The following PHKG2 variants were observed in gnomAD, a reference collection of about 807,000 sequenced individuals.
The protein encoded by PHKG2 is phosphorylase kinase catalytic subunit gamma 2, also known as phosphorylase b kinase gamma catalytic chain, liver/testis isoform.
PHKG2 carries 28 observed loss-of-function variants against 44.5 expected under a neutral mutation model. That is an observed-to-expected ratio of 0.63 (90% CI 0.47 to 0.86). PHKG2 has a LOEUF of 0.86. PHKG2 is among the 40% of genes least tolerant of loss of function. The pLI is 0.00. For missense variants in PHKG2, 498 were observed against 547.5 expected (o/e 0.91, Z 0.90); for synonymous variants, 220 against 211.2 (o/e 1.04, Z -0.36).
chr16:30,755,051 G>A (rs1365515602), intron 6 of PHKG2: 1 of 387,496 alleles, frequency 2.6e-6, no homozygotes, highest in East Asian at 7.4e-5. Flanking sequence ...AGTACTGGAA[G>A]AATTGGTGCC....
intron 4 of PHKG2, chr16:30,752,989 A>G (rs1464284413): frequency 3.5e-6 from 2 of 573,314 alleles, no homozygotes; most frequent in African/African-American, 1.9e-5. Context: ...TATAAATTAT[A>G]TTGTCACAAG....
intron 4 of PHKG2, 173 bp downstream of exon 4, chr16:30,751,776 G>T: frequency 1.3e-6 from 1 of 748,452 alleles, no homozygotes; most frequent in Admixed American, 1.8e-5. Flanking sequence ...CTCCCTTGGT[G>T]CCATGATTGA....
rs1327463566 is a variant in PHKG2, at chr16:30,757,620, G to A, written c.*523G>A. The A allele has an allele frequency of 6.2e-7, 1 of 1,613,908 alleles. No homozygotes were observed. The highest frequency in any genetic ancestry group is 1.3e-5 in the African/African-American group (1 of 74,936). On this transcript the variant is annotated 3_prime_UTR_variant, in exon 10 of 10. Transcript: ENST00000563588. ...GCTGCTCCAGCTCTTTGTTCACTTG[G>A]GTCTTGATGTAGGCTCGGAGGACGT...
rs774622300 is a variant in PHKG2, at chr16:30,759,812, T to A, written c.*2715T>A. 3 of 1,515,926 alleles carry A rather than the reference T, an allele frequency of 2.0e-6. No individual in the cohort carries two copies. The African/African-American group carries it at 4.2e-5, about 21-fold the overall frequency. The allele number at this position is 1,515,926 out of a possible 1,614,324, so 93.9% of individuals were successfully genotyped here. A position where few individuals can be genotyped will look rare whatever the true frequency, so the allele number is the denominator to read the frequency against. On this transcript the variant is annotated 3_prime_UTR_variant, in exon 10 of 10. Coordinates refer to ENST00000563588, the MANE Select transcript of PHKG2 (RefSeq NM_000294.3). ...CAACAGCTGTTTATGACCATGAGCT[T>A]CAGAAGCAGACAGATCTGGGTTTCA...
Position 30,756,637 on chromosome 16 carries a change from G to A in PHKG2, c.849G>A (p.Glu283=). ...QVDPEARLTA[E]QALQHPFFER... Reference sequence around the variant, plus strand: ...ATCCTGAGGCACGCCTGACAGCTGAGCAGGCCCTACAGCACCCCTTCTTTG... The same window carrying A: ...ATCCTGAGGCACGCCTGACAGCTGAACAGGCCCTACAGCACCCCTTCTTTG... The change falls in exon 9 of 10, where the codon GAG becomes GAA. Residue 283 remains glutamate, a synonymous_variant. Coordinates refer to ENST00000563588, the MANE Select transcript of PHKG2 (RefSeq NM_000294.3). 6.2e-7 allele frequency: 1 copy of A among 1,614,046 alleles called. No individual in the cohort carries two copies. The highest frequency in any genetic ancestry group is 2.2e-5 in the East Asian group (1 of 44,868).
At chr16:30,749,048 G>A (rs1307055033) in intron 2 of PHKG2, 133 bp downstream of exon 2, 1 of 360,104 alleles carries the variant, frequency 2.8e-6, no homozygotes, top group African/African-American at 5.0e-5. Flanking sequence ...TGGTGGTGGT[G>A]GTGGTGGTGG....
Position 30,758,735 on chromosome 16 carries a change from A to C in PHKG2, c.*1638A>C. The C allele has an allele frequency of 2.2e-6, 1 of 449,396 alleles. No homozygotes were observed. The highest frequency in any genetic ancestry group is 6.5e-4 in the Middle Eastern group (1 of 1,532). The allele number at this position is 449,396 out of a possible 1,614,324, so 27.8% of individuals were successfully genotyped here. A position where few individuals can be genotyped will look rare whatever the true frequency, so the allele number is the denominator to read the frequency against. The stretch of plus-strand genomic sequence containing the variant: ...CATGCCTGGCTATTTTTTGTATTTT[A>C]GTAGATAGGGGGTTTCACGGTGTTG... On this transcript the variant is annotated 3_prime_UTR_variant, in exon 10 of 10. Transcript: ENST00000563588.
At position 30,760,108 on chromosome 16, in the gene PHKG2, T is replaced by G. The variant is rs185728673; in HGVS notation, c.*3011T>G. ...GTCCTGTAAAATGTGTGCTGTATCC[T>G]TAATTTCTAGATAAGGAAGCAGTGG... On this transcript the variant is annotated 3_prime_UTR_variant, in exon 10 of 10. Transcript: ENST00000563588. 14 of 1,541,564 alleles carry G rather than the reference T, an allele frequency of 9.1e-6. No homozygotes were observed. The African/African-American group carries it at 1.8e-4, about 20-fold the overall frequency.
chr16:30,749,057 G>GCT (rs1230560412), intron 2 of PHKG2, 142 bp downstream of exon 2: 11 of 459,276 alleles, frequency 2.4e-5, no homozygotes, highest in Middle Eastern at 5.3e-4. Context: ...TGGTGGTGGT[G>GCT]GTGGTGGTGG....
Position 30,758,644 on chromosome 16 carries a change from C to T in PHKG2, c.*1547C>T. 3.5e-6 allele frequency: 1 copy of T among 285,796 alleles called. No homozygotes were observed. 17.7% of individuals were successfully genotyped at this position (285,796 alleles called of 1,614,324 possible). On this transcript the variant is annotated 3_prime_UTR_variant, in exon 10 of 10. Coordinates refer to ENST00000563588, the MANE Select transcript of PHKG2 (RefSeq NM_000294.3). ...GATCTTGGCTCACTGCAGTCTCCACCTCCTGGGTTCATGCAGTTCTCCTGC... is the reference window on the plus strand; with the variant it reads ...GATCTTGGCTCACTGCAGTCTCCACTTCCTGGGTTCATGCAGTTCTCCTGC...
At chr16:30,751,517 C>A in intron 3 of PHKG2, 32 bp from the exon 4 acceptor site, 1 of 1,593,054 alleles carries the variant, frequency 6.3e-7, no homozygotes. Flanking sequence ...CTTTCCATCT[C>A]TGTCTCTCTG....
In PHKG2 at chr16:30,749,140, T is replaced by TGGTGGTGCC. The variant is rs1384728812; in HGVS notation, c.95+229_95+230insGTGCCGGTG. Among the ~76,000 whole-genome samples the TGGTGGTGCC allele has an allele frequency of 4.3e-5, 5 of 117,052 alleles. 1 individual carries two copies. Among genetic ancestry groups the TGGTGGTGCC allele is most frequent in the Non-Finnish European group, 9.2e-5 (5 of 54,368 alleles). 76.8% of individuals were successfully genotyped at this position (117,052 alleles called of 152,430 possible). A position where few individuals can be genotyped will look rare whatever the true frequency, so the allele number is the denominator to read the frequency against. ...GTGCTGGTGCTGGTGGTGGTGGTGCTGGTGCTGGTGGTGGTGCTGGTGGTG... is the reference window on the plus strand; with the variant it reads ...GTGCTGGTGCTGGTGGTGGTGGTGCTGGTGGTGCCGGTGCTGGTGGTGGTGCTGGTGGTG... On this transcript the variant is annotated intron_variant, in intron 2 of 9. Coordinates refer to ENST00000563588, the MANE Select transcript of PHKG2 (RefSeq NM_000294.3).
chr16:30,751,564 C>G lies in PHKG2; in HGVS notation c.287C>G (p.Ser96Cys), dbSNP rs1362112001. The G allele has an allele frequency of 4.3e-6, 7 of 1,613,772 alleles. No individual in the cohort carries two copies. The highest frequency in any genetic ancestry group is 1.7e-5 in the Admixed American group (1 of 60,030). ...GHPHIITLID[S>C]YESSSFMFLV... is the part of the protein sequence containing the mutation. ...CTCTCCCTAGTCACCCTCATCGATT[C>G]CTACGAGTCTTCTAGCTTCATGTTC... Residue 96 changes from serine (S) to cysteine (C), a missense_variant, in exon 4 of 10, where the codon TCC (serine) becomes TGC (cysteine). Ser to Cys is a moderately radical substitution (Grantham distance 112). Transcript: ENST00000563588.
At chr16:30,748,606 C>A in intron 1 of PHKG2, 116 bp downstream of exon 1, 1 of 587,994 alleles carries the variant, frequency 1.7e-6, no homozygotes, top group Non-Finnish European at 3.0e-6. Flanking sequence ...TCTCCCCACT[C>A]CCCTCCCTGC....
rs2151310570 is a variant in PHKG2 at position 30,756,695 on chromosome 16, A to AC, written c.913dup (p.Arg305ProfsTer84). The stretch of plus-strand genomic sequence containing the variant: ...TGAAGGCAGCCAACCCTGGAACCTC[A>AC]CCCCCCGCCAGCGGTTCCGGGTAAG... On this transcript the variant is annotated frameshift_variant, in exon 9 of 10. Transcript: ENST00000563588. LOFTEE classifies it high-confidence loss of function. 6.2e-7 allele frequency: 1 copy of AC among 1,613,092 alleles called. No individual in the cohort carries two copies.
intron 6 of PHKG2, 30 bp from the exon 7 acceptor site, chr16:30,756,152 A>C: frequency 1.3e-6 from 2 of 1,552,318 alleles, no homozygotes; most frequent in Middle Eastern, 1.7e-4. Flanking sequence ...GGCTGGTGGC[A>C]TCCCCTCAAT....
intron 1 of PHKG2, 84 bp from the exon 2 acceptor site, chr16:30,748,719 G>T: frequency 2.7e-6 from 1 of 371,694 alleles, no homozygotes; most frequent in Non-Finnish European, 5.1e-6. Flanking sequence ...CCAGCTGCAA[G>T]GGCTGCGCCC....
In PHKG2 at chr16:30,757,313, T is replaced by G; in HGVS notation, c.*216T>G. The G allele has an allele frequency of 6.5e-7, 1 of 1,536,064 alleles. No individual in the cohort carries two copies. The highest frequency in any genetic ancestry group is 8.7e-7 in the Non-Finnish European group (1 of 1,148,170). ...ATTCTGAACGCCACGCCTGGCCCGG[T>G]CAGTGCTGCATGCACTGCATATGAA... On this transcript the variant is annotated 3_prime_UTR_variant, in exon 10 of 10. Coordinates refer to ENST00000563588, the MANE Select transcript of PHKG2 (RefSeq NM_000294.3).
chr16:30,748,684 C>T (rs941992190), intron 1 of PHKG2, 119 bp from the exon 2 acceptor site: 5 of 325,572 alleles, frequency 1.5e-5, no homozygotes, highest in African/African-American at 1.1e-4. Flanking sequence ...CCCCACCCCC[C>T]CCCACCCCCC....
Sources: gnomAD v4.1 joint callset for allele counts (sites outside exome capture counted in the v4.1 genomes callset) on GRCh38, gnomAD v4.1.1 for gene constraint, MANE v1.5 for transcripts, NCBI Gene and HGNC (gene_info 2026-07-23, HGNC 2026-07-21) for gene names.